The following PPP1R21 variants were observed in gnomAD, a reference collection of about 807,000 sequenced individuals.
PPP1R21 encodes the protein KLRAQ motif containing 1.
A neutral mutation model predicts 112.8 loss-of-function variants in PPP1R21; 85 were observed. That is an observed-to-expected ratio of 0.75 (90% CI 0.63 to 0.90). The LOEUF is 0.90. Ranked by LOEUF, PPP1R21 falls within the 40% of genes least tolerant of loss-of-function variation. PPP1R21 has a pLI of 0.00. For missense variants in PPP1R21, 1,199 were observed against 901.5 expected (o/e 1.33, Z -4.23); for synonymous variants, 381 against 322.3 (o/e 1.18, Z -1.95).
chr2:48,505,525 C>T, intron 17 of PPP1R21, 39 bp from the exon 18 acceptor site: 1 of 1,468,308 alleles, frequency 6.8e-7, no homozygotes, highest in African/African-American at 1.4e-5. Flanking sequence ...TTGAAATGTA[C>T]ACATTCTGTT....
chr2:48,477,733 G>T (rs13403440), intron 12 of PPP1R21, among the ~76,000 whole-genome samples: 1 of 150,026 alleles, frequency 6.7e-6, no homozygotes, highest in Non-Finnish European at 1.5e-5. Flanking sequence ...ATGAATTTTA[G>T]AATCAGCTTG....
chr2:48,465,734 C>A, intron 9 of PPP1R21, 92 bp downstream of exon 9: 2 of 1,118,690 alleles, frequency 1.8e-6, no homozygotes, highest in African/African-American at 1.6e-5. Context: ...CATCCAAGTA[C>A]TGCAAAGGAC....
intron 14 of PPP1R21, 79 bp downstream of exon 14, chr2:48,486,837 C>T: frequency 6.8e-7 from 1 of 1,471,548 alleles, no homozygotes; most frequent in South Asian, 1.3e-5. Flanking sequence ...GAAAATGGAT[C>T]TGTAAAAGGA....
chr2:48,510,686 TGGGAAGAGAGA>T, intron 20 of PPP1R21, among the ~76,000 whole-genome samples: 1 of 152,186 alleles, frequency 6.6e-6, no homozygotes, highest in East Asian at 1.9e-4. Context: ...GCATGAGAAA[TGGGAAGAGAGA>T]TGAAGGGTGC....
At chr2:48,462,790 C>G (rs79940098) in intron 7 of PPP1R21, among the ~76,000 whole-genome samples, 8,234 of 152,226 alleles carry the variant, frequency 0.054, 413 homozygotes, top group African/African-American at 0.13. Context: ...CAAGGTTAAT[C>G]TGGCAACAGA....
At position 48,474,517 on chromosome 2, in the gene PPP1R21, G is replaced by T. The variant is rs543394232; in HGVS notation, c.1089-166G>T. On this transcript the variant is annotated intron_variant, in intron 11 of 21. Transcript: ENST00000294952. ...ATTCCATTGGTATTTGCAGCAAGCA[G>T]TGTATGTATCATGATGTAAAAAAAT... Among the ~76,000 whole-genome samples the T allele has an allele frequency of 5.3e-4, 80 of 152,326 alleles. 1 individual carries two copies. In the South Asian group the frequency reaches 0.015, roughly 28 times the overall value.
chr2:48,476,384 G>A (rs1294104347), intron 12 of PPP1R21, among the ~76,000 whole-genome samples: 1 of 152,012 alleles, frequency 6.6e-6, no homozygotes, highest in Admixed American at 6.6e-5. Context: ...TCTACCTTTT[G>A]GCTATTACAA....
intron 12 of PPP1R21, among the ~76,000 whole-genome samples, chr2:48,478,151 C>T (rs947104204): frequency 1.3e-5 from 2 of 152,140 alleles, no homozygotes; most frequent in Non-Finnish European, 2.9e-5. Flanking sequence ...CCCTTAGGGC[C>T]TTTGGGGAGA....
chr2:48,511,591 G>A (rs926699287), intron 21 of PPP1R21, 123 bp downstream of exon 21: 2 of 1,216,538 alleles, frequency 1.6e-6, no homozygotes, highest in African/African-American at 1.5e-5. Flanking sequence ...GCCAGGGGCA[G>A]TGGCTTAAGC....
chr2:48,464,787 C>T, intron 7 of PPP1R21, 150 bp from the exon 8 acceptor site: 1 of 539,360 alleles, frequency 1.9e-6, no homozygotes, highest in South Asian at 2.9e-5. Flanking sequence ...ACCACTGATT[C>T]TATGTAAATT....
chr2:48,497,433 C>A (rs190957670), intron 16 of PPP1R21, among the ~76,000 whole-genome samples: 1 of 152,156 alleles, frequency 6.6e-6, no homozygotes, highest in Non-Finnish European at 1.5e-5. Context: ...TCCTCTCCCC[C>A]AAAGGTAACC....
intron 1 of PPP1R21, among the ~76,000 whole-genome samples, chr2:48,446,727 G>A (rs1365505724): frequency 6.6e-6 from 1 of 152,084 alleles, no homozygotes; most frequent in Non-Finnish European, 1.5e-5. Flanking sequence ...AACAGTTTAA[G>A]GTGGCAGGTG....
At chr2:48,486,598 T>G (rs763677113) in intron 13 of PPP1R21, 33 bp from the exon 14 acceptor site, 1 of 1,519,646 alleles carries the variant, frequency 6.6e-7, no homozygotes, top group South Asian at 1.1e-5. Context: ...TATATATAGA[T>G]AATAATGAAT....
intron 1 of PPP1R21, among the ~76,000 whole-genome samples, chr2:48,448,087 A>G (rs764013669): frequency 6.6e-6 from 1 of 152,218 alleles, no homozygotes; most frequent in Non-Finnish European, 1.5e-5. Flanking sequence ...AAAACATCAA[A>G]TGTTGCAAAG....
At chr2:48,457,168 A>G (rs1667765490) in intron 3 of PPP1R21, among the ~76,000 whole-genome samples, 1 of 152,182 alleles carries the variant, frequency 6.6e-6, no homozygotes, top group South Asian at 2.1e-4. Flanking sequence ...ACTGTTGAGC[A>G]GAGGTTTGGG....
chr2:48,503,014 A>G (rs1670196013), intron 17 of PPP1R21, among the ~76,000 whole-genome samples: 1 of 152,086 alleles, frequency 6.6e-6, no homozygotes, highest in African/African-American at 2.4e-5. Flanking sequence ...ACATTTCAAG[A>G]GTTAAATGCT....
At position 48,485,225 on chromosome 2, in the gene PPP1R21, A is replaced by C. The variant is rs576274384; in HGVS notation, c.1319-1406A>C. Among the ~76,000 whole-genome samples the C allele has an allele frequency of 2.0e-5, 3 of 152,294 alleles. No individual in the cohort carries two copies. The South Asian group carries it at 6.2e-4, about 32-fold the overall frequency. ...TGTTCACCATTTGGGTGATGGGCTC[A>C]ATGGAAGCCCAAACCCCAGTATTAC... On this transcript the variant is annotated intron_variant, in intron 13 of 21. Coordinates refer to ENST00000294952, the MANE Select transcript of PPP1R21 (RefSeq NM_001135629.3).
rs1281056398 is a variant in PPP1R21 at position 48,504,171 on chromosome 2, G to C, written c.1936-1393G>C. On this transcript the variant is annotated intron_variant, in intron 17 of 21. Coordinates refer to ENST00000294952, the MANE Select transcript of PPP1R21 (RefSeq NM_001135629.3). ...TATTCCAAGCAATTTTTCACTAAAAGAGAGTAATTGCTACTTCTACTTCAT... is the reference window on the plus strand; with the variant it reads ...TATTCCAAGCAATTTTTCACTAAAACAGAGTAATTGCTACTTCTACTTCAT... 5.3e-5 allele frequency among the ~76,000 whole-genome samples: 8 copies of C among 152,252 alleles called. No homozygotes were observed. The East Asian group carries it at 1.5e-3, about 29-fold the overall frequency.
chr2:48,491,025 C>G lies in PPP1R21; in HGVS notation c.1454C>G (p.Ser485Cys). ...TTGTCATACTTTGTTTAGATTGCAT[C>G]CTTCTTCAGCAACAATTTGGACTAC... is the stretch of plus-strand genomic sequence containing the variant. ...ALTNGAGKIA[S>C]FFSNNLDYFI... Residue 485 changes from serine (S) to cysteine (C), a missense_variant, in exon 15 of 22, where the codon TCC becomes TGC. Coordinates refer to ENST00000294952, the MANE Select transcript of PPP1R21 (RefSeq NM_001135629.3). 1 of 1,613,764 alleles carries G rather than the reference C, an allele frequency of 6.2e-7. No homozygotes were observed. The highest frequency in any genetic ancestry group is 8.5e-7 in the Non-Finnish European group (1 of 1,179,708).
Sources: allele counts gnomAD v4.1 joint callset (sites outside exome capture counted in the v4.1 genomes callset), GRCh38; gene constraint gnomAD v4.1.1; transcripts MANE v1.5; gene names NCBI Gene and HGNC (gene_info 2026-07-23, HGNC 2026-07-21).